The following CAMK4 variants were observed in gnomAD, a reference collection of about 807,000 sequenced individuals.
The protein encoded by CAMK4 is calcium/calmodulin-dependent protein kinase type IV.
Under a neutral mutation model 44.9 loss-of-function variants are expected in CAMK4, and 22 were observed. That is an observed-to-expected ratio of 0.49 (90% CI 0.35 to 0.70). The LOEUF (loss-of-function observed/expected upper bound fraction) is 0.70. Among genes scored for constraint, CAMK4 ranks in the 30% least tolerant of loss-of-function variants. The pLI is 0.01. For missense variants in CAMK4, 498 were observed against 586.8 expected, an observed-to-expected ratio of 0.85 and a Z score of 1.56; for synonymous variants, 218 against 215.4, an observed-to-expected ratio of 1.01 and a Z score of -0.11.
chr5:111,250,666 A>T (rs1416910238), intron 1 of CAMK4, among the ~76,000 whole-genome samples: 1 of 151,772 alleles, frequency 6.6e-6, no homozygotes, highest in Non-Finnish European at 1.5e-5. Context: ...TCTTACCTAG[A>T]TCCTGTTTTA....
intron 1 of CAMK4, among the ~76,000 whole-genome samples, chr5:111,342,914 G>T (rs928556816): frequency 6.6e-6 from 1 of 151,260 alleles, no homozygotes; most frequent in East Asian, 2.0e-4. Context: ...TGTTGTTGTC[G>T]TACATTTTTT....
chr5:111,379,911 A>G (rs1751351160), intron 4 of CAMK4, among the ~76,000 whole-genome samples: 3 of 152,184 alleles, frequency 2.0e-5, no homozygotes. Flanking sequence ...TAAATTACAT[A>G]GGACAGTTTA....
intron 2 of CAMK4, among the ~76,000 whole-genome samples, chr5:111,358,768 G>A (rs745600925): frequency 6.6e-6 from 1 of 151,818 alleles, no homozygotes; most frequent in Non-Finnish European, 1.5e-5. Flanking sequence ...TGTTGTTTGT[G>A]TCCATATGTT....
chr5:111,413,758 CA>C (rs1752712814), intron 5 of CAMK4, among the ~76,000 whole-genome samples: 1 of 151,828 alleles, frequency 6.6e-6, no homozygotes, highest in Non-Finnish European at 1.5e-5. Context: ...GTAGGATAAA[CA>C]GAAAATATAG....
At chr5:111,363,111 C>T (rs2112799860) in intron 2 of CAMK4, among the ~76,000 whole-genome samples, 1 of 152,156 alleles carries the variant, frequency 6.6e-6, no homozygotes, top group South Asian at 2.1e-4. Flanking sequence ...GTACTTGCTG[C>T]AGTGGATTTA....
At chr5:111,309,933 T>C (rs1347401573) in intron 1 of CAMK4, among the ~76,000 whole-genome samples, 3 of 152,242 alleles carry the variant, frequency 2.0e-5, no homozygotes, top group Non-Finnish European at 2.9e-5. Flanking sequence ...AAAATAAATG[T>C]GCTATCTCAC....
chr5:111,464,665 T>C (rs1437693102), intron 7 of CAMK4, among the ~76,000 whole-genome samples: 2 of 152,134 alleles, frequency 1.3e-5, no homozygotes, highest in Non-Finnish European at 2.9e-5. Context: ...AAAGACTGTA[T>C]CTAAACTCAA....
At chr5:111,443,279 T>TATATATGTATACAC in intron 5 of CAMK4, among the ~76,000 whole-genome samples, 1 of 37,478 alleles carries the variant, frequency 2.7e-5, no homozygotes, top group East Asian at 7.3e-4. Context: ...TATATATATA[T>TATATATGTATACAC]ACACACACAC....
At chr5:111,393,706 C>T (rs762070194) in intron 4 of CAMK4, among the ~76,000 whole-genome samples, 21 of 151,684 alleles carry the variant, frequency 1.4e-4, no homozygotes, top group Non-Finnish European at 7.4e-5. Flanking sequence ...CACACTGGGG[C>T]CTATAAGAGG....
intron 2 of CAMK4, among the ~76,000 whole-genome samples, chr5:111,366,918 G>A (rs536709864): frequency 4.6e-5 from 7 of 151,742 alleles, no homozygotes; most frequent in South Asian, 2.1e-4. Flanking sequence ...ATTTAGGGCC[G>A]TTTAAGTAAA....
chr5:111,451,267 T>G (rs796609087), intron 7 of CAMK4, among the ~76,000 whole-genome samples: 73,998 of 151,934 alleles, frequency 0.49, 18,215 homozygotes, highest in Middle Eastern at 0.58. Flanking sequence ...TTTATAAAAC[T>G]ATAAATCAAT....
intron 1 of CAMK4, among the ~76,000 whole-genome samples, chr5:111,336,639 C>G (rs549813298): frequency 1.3e-5 from 2 of 150,910 alleles, no homozygotes; most frequent in African/African-American, 4.8e-5. Context: ...TTTGCTAAGA[C>G]AATGATTTAT....
chr5:111,271,499 C>T (rs546751143), intron 1 of CAMK4, among the ~76,000 whole-genome samples: 2 of 152,218 alleles, frequency 1.3e-5, no homozygotes, highest in East Asian at 3.9e-4. Context: ...GATTCTTCTA[C>T]TATATTGTGT....
chr5:111,384,904 C>A (rs1222351955), intron 4 of CAMK4, among the ~76,000 whole-genome samples: 1 of 152,150 alleles, frequency 6.6e-6, no homozygotes, highest in Non-Finnish European at 1.5e-5. Flanking sequence ...AAAAAGCCCA[C>A]TTACAATCTG....
chr5:111,380,224 A>AT (rs1271426523), intron 4 of CAMK4, among the ~76,000 whole-genome samples: 4 of 151,728 alleles, frequency 2.6e-5, no homozygotes, highest in Admixed American at 6.6e-5. Context: ...AATCAAAAGT[A>AT]TTTTTTCTTG....
At chr5:111,452,739 C>T (rs1161847243) in intron 7 of CAMK4, among the ~76,000 whole-genome samples, 1 of 152,070 alleles carries the variant, frequency 6.6e-6, no homozygotes, top group African/African-American at 2.4e-5. Flanking sequence ...TTTTCTCTTG[C>T]AAATATCCGT....
At chr5:111,392,397 C>A (rs911702554) in intron 4 of CAMK4, among the ~76,000 whole-genome samples, 4 of 152,094 alleles carry the variant, frequency 2.6e-5, no homozygotes, top group African/African-American at 9.7e-5. Context: ...AAATCCTCCC[C>A]CATGATCCAA....
chr5:111,332,350 A>T (rs1210280155), intron 1 of CAMK4, among the ~76,000 whole-genome samples: 2 of 149,200 alleles, frequency 1.3e-5, no homozygotes, highest in African/African-American at 2.5e-5. Context: ...TGTCCTTGCG[A>T]TAGATTACTG....
At position 111,292,720 on chromosome 5, in the gene CAMK4, G is replaced by A. The variant is rs764819322; in HGVS notation, c.162-51304G>A. On this transcript the variant is annotated intron_variant, in intron 1 of 10. Transcript: ENST00000282356. Reference sequence around the variant, plus strand: ...GAGGATCACTTGAGCCCAGGAGTTCGAGACCAGCCTGGGCAACATAGTTAC... The same window carrying A: ...GAGGATCACTTGAGCCCAGGAGTTCAAGACCAGCCTGGGCAACATAGTTAC... Among the ~76,000 whole-genome samples, 89 of 151,766 alleles carry A rather than the reference G, an allele frequency of 5.9e-4. No individual in the cohort carries two copies. In the Middle Eastern group the frequency reaches 0.02, roughly 35 times the overall value.
Sources: allele counts gnomAD v4.1 joint callset (sites outside exome capture counted in the v4.1 genomes callset), GRCh38; gene constraint gnomAD v4.1.1; transcripts MANE v1.5; gene names NCBI Gene and HGNC (gene_info 2026-07-23, HGNC 2026-07-21).